Variants in ADAMTS17 observed in about 807,000 individuals in gnomAD.
ADAMTS17 encodes A disintegrin and metalloproteinase with thrombospondin motifs 17.
ADAMTS17 carries 113 observed loss-of-function variants against 141.5 expected under a neutral mutation model. The observed-to-expected ratio is 0.80, with a 90% confidence interval of 0.69 to 0.93. ADAMTS17 has a LOEUF of 0.93. Among genes scored for constraint, ADAMTS17 ranks in the 40% least tolerant of loss-of-function variants. The probability of loss-of-function intolerance (pLI) is 0.00; values close to 1 mark genes in which losing one functional copy is unlikely to be tolerated. For missense variants in ADAMTS17, 1,659 were observed against 1,517.9 expected (o/e 1.09, Z -1.54); for synonymous variants, 768 against 630.6 (o/e 1.22, Z -3.27).
At chr15:100,169,851 G>A (rs2040093936) in intron 8 of ADAMTS17, among the ~76,000 whole-genome samples, 1 of 152,210 alleles carries the variant, frequency 6.6e-6, no homozygotes, top group African/African-American at 2.4e-5. Flanking sequence ...AACAGGTGTT[G>A]AGAAGCAGCT....
chr15:100,279,726 C>T (rs935545740), intron 4 of ADAMTS17, among the ~76,000 whole-genome samples: 1 of 152,194 alleles, frequency 6.6e-6, no homozygotes, highest in South Asian at 2.1e-4. Context: ...GCACCCCTTT[C>T]CCTCTACAAA....
chr15:99,988,326 A>G (rs960764466), intron 20 of ADAMTS17, among the ~76,000 whole-genome samples: 2 of 152,020 alleles, frequency 1.3e-5, no homozygotes, highest in African/African-American at 4.8e-5. Context: ...GTTGTTTAAA[A>G]AAGTCTGGGG....
chr15:100,283,987 T>TC (rs1352396052), intron 3 of ADAMTS17, among the ~76,000 whole-genome samples: 1 of 152,074 alleles, frequency 6.6e-6, no homozygotes, highest in Non-Finnish European at 1.5e-5. Context: ...GTGCCTGTAA[T>TC]CCCAGCCACT....
Position 99,996,306 on chromosome 15 carries a change from G to A in ADAMTS17, c.2796+1079C>T, listed in dbSNP as rs145549804. Among the ~76,000 whole-genome samples the A allele has an allele frequency of 5.0e-4, 76 of 152,088 alleles. 1 individual carries two copies. Among genetic ancestry groups the A allele is most frequent in the African/African-American group, 1.8e-3 (74 of 41,464 alleles). ...CTGATCAAAGCACAAGTCTTACTTCGATCAAGAGCCAGGCAATTAAAACCC... is the reference window on the plus strand; with the variant it reads ...CTGATCAAAGCACAAGTCTTACTTCAATCAAGAGCCAGGCAATTAAAACCC... On this transcript the variant is annotated intron_variant, in intron 19 of 21. Transcript: ENST00000268070.
intron 15 of ADAMTS17, among the ~76,000 whole-genome samples, chr15:100,094,678 T>C (rs1207397710): frequency 2.0e-5 from 3 of 152,116 alleles, no homozygotes; most frequent in Non-Finnish European, 2.9e-5. Flanking sequence ...TTATGGGAGC[T>C]CAGTACAATG....
chr15:100,278,495 C>A (rs950934669), intron 4 of ADAMTS17, among the ~76,000 whole-genome samples: 1 of 152,134 alleles, frequency 6.6e-6, no homozygotes, highest in Non-Finnish European at 1.5e-5. Flanking sequence ...GTCCCAGGGG[C>A]CTCCTTGGCA....
At chr15:100,040,310 T>C (rs1180978082) in intron 18 of ADAMTS17, among the ~76,000 whole-genome samples, 2 of 152,268 alleles carry the variant, frequency 1.3e-5, no homozygotes, top group Non-Finnish European at 2.9e-5. Flanking sequence ...TTCTGTGGGC[T>C]GATGTTTCTT....
At chr15:100,229,802 C>T (rs893239943) in intron 7 of ADAMTS17, among the ~76,000 whole-genome samples, 4 of 152,174 alleles carry the variant, frequency 2.6e-5, no homozygotes, top group Admixed American at 6.5e-5. Flanking sequence ...AGACAGAGAA[C>T]GCAAGGGCAA....
At chr15:100,278,758 T>C (rs554534705) in intron 4 of ADAMTS17, among the ~76,000 whole-genome samples, 1 of 152,154 alleles carries the variant, frequency 6.6e-6, no homozygotes, top group East Asian at 1.9e-4. Flanking sequence ...TGCCGTGGGG[T>C]TCCCCACACC....
intron 3 of ADAMTS17, among the ~76,000 whole-genome samples, chr15:100,323,448 T>C (rs1254044001): frequency 6.6e-6 from 1 of 152,222 alleles, no homozygotes; most frequent in Non-Finnish European, 1.5e-5. Context: ...AAGTGGGTAC[T>C]AGAAATATTA....
At chr15:100,011,334 A>AAGGAAAGGAGGGATGGGAGGGT (rs2061169913) in intron 18 of ADAMTS17, among the ~76,000 whole-genome samples, 2 of 70,510 alleles carry the variant, frequency 2.8e-5, no homozygotes, top group African/African-American at 4.5e-5. Context: ...GGAGGGAGGG[A>AAGGAAAGGAGGGATGGGAGGGT]GGGAAGGAAA....
At chr15:99,989,089 G>A (rs2060644716) in intron 20 of ADAMTS17, among the ~76,000 whole-genome samples, 1 of 152,184 alleles carries the variant, frequency 6.6e-6, no homozygotes, top group Non-Finnish European at 1.5e-5. Flanking sequence ...CTTCTTGCTT[G>A]GTTTCCACCA....
intron 18 of ADAMTS17, among the ~76,000 whole-genome samples, chr15:100,030,380 C>A (rs546646304): frequency 6.6e-6 from 1 of 152,268 alleles, no homozygotes; most frequent in African/African-American, 2.4e-5. Context: ...GGTATTTAAA[C>A]CCAAATACAG....
At chr15:100,293,242 A>G (rs2044704115) in intron 3 of ADAMTS17, among the ~76,000 whole-genome samples, 1 of 152,126 alleles carries the variant, frequency 6.6e-6, no homozygotes, top group African/African-American at 2.4e-5. Flanking sequence ...AAGGCCAATG[A>G]CAGAGGTGGC....
At chr15:100,239,570 T>A (rs1176558141) in intron 7 of ADAMTS17, among the ~76,000 whole-genome samples, 1 of 152,054 alleles carries the variant, frequency 6.6e-6, no homozygotes, top group Non-Finnish European at 1.5e-5. Context: ...GTGGAAGCAA[T>A]GAGAAGGGGG....
chr15:99,997,959 A>G lies in ADAMTS17; in HGVS notation c.2592-370T>C, dbSNP rs896655376. Among the ~76,000 whole-genome samples the G allele has an allele frequency of 8.5e-5, 13 of 152,222 alleles. No homozygotes were observed. The highest frequency in any genetic ancestry group is 2.6e-4 in the Admixed American group (4 of 15,294). ...TGGCGGCGTCCCGGCAGAAGCTCTG[A>G]ATGTGGTTATGTGGTTTGGCTCTGA... On this transcript the variant is annotated intron_variant, in intron 18 of 21. Transcript: ENST00000268070. The surrounding 1 kb of genome is among the most constrained non-coding windows in gnomAD (Gnocchi z 4.7).
At chr15:100,071,154 A>C (rs2033942696) in intron 15 of ADAMTS17, among the ~76,000 whole-genome samples, 2 of 150,648 alleles carry the variant, frequency 1.3e-5, no homozygotes, top group South Asian at 4.2e-4. Context: ...GAAATGGATA[A>C]ATTCCTTAAC....
Position 100,054,211 on chromosome 15 carries a change from A to G in ADAMTS17, c.2138-157T>C, listed in dbSNP as rs922669. Among the ~76,000 whole-genome samples the G allele has an allele frequency of 0.31, 47,817 of 152,030 alleles. 8,657 individuals carry two copies. Among genetic ancestry groups the G allele is most frequent in the African/African-American group, 0.49 (20,343 of 41,454 alleles). On this transcript the variant is annotated intron_variant, in intron 15 of 21. Coordinates refer to ENST00000268070, the MANE Select transcript of ADAMTS17 (RefSeq NM_139057.4). ...AAGCGAGAGAAGGCGAGTGCTCTGT[A>G]TACTGAGAACAAAAGCCTGGATCGC...
chr15:100,306,284 C>G (rs970140145), intron 3 of ADAMTS17: 2 of 345,440 alleles, frequency 5.8e-6, no homozygotes, highest in Admixed American at 3.8e-5. Context: ...CTTCAGCCAA[C>G]AGAGTACCTT....
Sources: gnomAD v4.1 joint callset for allele counts (sites outside exome capture counted in the v4.1 genomes callset) on GRCh38, gnomAD v4.1.1 for gene constraint, Gnocchi (gnomAD v3.1) non-coding constraint, MANE v1.5 for transcripts, NCBI Gene and HGNC (gene_info 2026-07-23, HGNC 2026-07-21) for gene names.